BPIFA1: variants seen among roughly 807,000 people sequenced by gnomAD.
BPIFA1 encodes the protein BPI fold-containing family A member 1.
In BPIFA1, 24 loss-of-function variants were observed where a neutral mutation model predicts 25.1. The ratio of observed to expected loss-of-function variants is 0.96; its 90% CI spans 0.69 to 1.35. The LOEUF (loss-of-function observed/expected upper bound fraction) is 1.35. Among genes scored for constraint, BPIFA1 ranks in the 40% most tolerant of loss-of-function variants. The pLI is 0.00. For missense variants in BPIFA1, 344 were observed against 303.7 expected (o/e 1.13, Z -0.99); for synonymous variants, 139 against 131.8 (o/e 1.05, Z -0.37).
At chr20:33,239,707 C>G (rs1288129590) in intron 3 of BPIFA1, 96 bp from the exon 4 acceptor site, 15 of 1,236,318 alleles carry the variant, frequency 1.2e-5, no homozygotes, top group Non-Finnish European at 1.8e-5. Flanking sequence ...GTGGGAAGCT[C>G]TACCTCTGGG....
rs1212346322 is a variant in BPIFA1, at chr20:33,241,992, C to T, written c.667-64C>T. ...GACAGGAAATTTCCCCAGAGAACCC[C>T]CACTAGGGATTCTGCTGCTCCAGGG... On this transcript the variant is annotated intron_variant, in intron 6 of 8. Coordinates refer to ENST00000354297, the MANE Select transcript of BPIFA1 (RefSeq NM_130852.3). 3.5e-6 allele frequency: 5 copies of T among 1,446,768 alleles called. No individual in the cohort carries two copies. The Admixed American group carries it at 6.7e-5, about 20-fold the overall frequency. 89.6% of individuals were successfully genotyped at this position (1,446,768 alleles called of 1,614,324 possible).
At position 33,241,476 on chromosome 20, in the gene BPIFA1, A is replaced by G; in HGVS notation, c.666+7A>G. On this transcript the variant is annotated splice_region_variant and intron_variant, in intron 6 of 8. Coordinates refer to ENST00000354297, the MANE Select transcript of BPIFA1 (RefSeq NM_130852.3). ...TGAGTTGGTTCAGGGCAACGTAAGT[A>G]GGCAAGGTGGGGATCCCCTGATCCT... 1 of 1,608,312 alleles carries G rather than the reference A, an allele frequency of 6.2e-7. No individual in the cohort carries two copies. Among genetic ancestry groups the G allele is most frequent in the Admixed American group, 1.7e-5 (1 of 60,014 alleles).
chr20:33,240,645 T>TGACA (rs1978924796), intron 5 of BPIFA1, among the ~76,000 whole-genome samples: 1 of 142,840 alleles, frequency 7.0e-6, no homozygotes, highest in Non-Finnish European at 1.5e-5. Flanking sequence ...GATAGATAGA[T>TGACA]GATAGATAGA....
chr20:33,239,803 C>T lies in BPIFA1; in HGVS notation c.321C>T (p.Asp107=), dbSNP rs532895600. The change falls in exon 4 of 9, where the codon GAC becomes GAT. Residue 107 remains aspartate (D), a splice_region_variant and synonymous_variant. Transcript: ENST00000354297. ...CCCTCCAATATTACTCCCTGGACAG[C>T]ATAAAGGTCACTGACCCCCAGCTGC... ...SVIPGLNNII[D]IKVTDPQLLE... 121 of 1,613,644 alleles carry T rather than the reference C, an allele frequency of 7.5e-5. 3 individuals are homozygous for T. In the South Asian group the frequency reaches 1.3e-3, roughly 17 times the overall value.
Position 33,241,380 on chromosome 20 carries a change from T to G in BPIFA1, c.582-5T>G. ...CCTGCATCACCCATGACTTTTCTCT[T>G]TCAGACTTGGCCCCCTCCCCATTCA... On this transcript the variant is annotated splice_region_variant and splice_polypyrimidine_tract_variant and intron_variant, in intron 5 of 8. Coordinates refer to ENST00000354297, the MANE Select transcript of BPIFA1 (RefSeq NM_130852.3). The G allele has an allele frequency of 6.2e-7, 1 of 1,612,216 alleles. No individual in the cohort carries two copies. The highest frequency in any genetic ancestry group is 8.5e-7 in the Non-Finnish European group (1 of 1,178,234).
Position 33,242,529 on chromosome 20 carries a change from C to A in BPIFA1, c.*2C>A. 1 of 1,614,050 alleles carries A rather than the reference C, an allele frequency of 6.2e-7. No homozygotes were observed. Among genetic ancestry groups the A allele is most frequent in the Non-Finnish European group, 8.5e-7 (1 of 1,179,924 alleles). On this transcript the variant is annotated 3_prime_UTR_variant, in exon 8 of 9. Transcript: ENST00000354297. ...CTACAGTTTGTCATCAAGGTCTAAGCCTTCCAGGAAGGGGCTGGCCTCTGC... is the reference window on the plus strand; with the variant it reads ...CTACAGTTTGTCATCAAGGTCTAAGACTTCCAGGAAGGGGCTGGCCTCTGC...
At chr20:33,239,644 C>A (rs1167728139) in intron 3 of BPIFA1, among the ~76,000 whole-genome samples, 159 bp from the exon 4 acceptor site, 1 of 152,210 alleles carries the variant, frequency 6.6e-6, no homozygotes, top group Non-Finnish European at 1.5e-5. Flanking sequence ...GTGTGTGACT[C>A]AGAACCCACG....
At chr20:33,237,662 C>A in intron 1 of BPIFA1, 35 bp from the exon 2 acceptor site, 1 of 1,390,734 alleles carries the variant, frequency 7.2e-7, no homozygotes, top group Admixed American at 2.8e-5. Flanking sequence ...CTCTCTGATA[C>A]CCATGCCATG....
Position 33,236,903 on chromosome 20 carries a change from G to A in BPIFA1, c.-15-794G>A, listed in dbSNP as rs187800609. On this transcript the variant is annotated intron_variant, in intron 1 of 8. Coordinates refer to ENST00000354297, the MANE Select transcript of BPIFA1 (RefSeq NM_130852.3). ...ATGGCCCCAGGAATTCCCCAACAAA[G>A]GTCTACATGAGATGGTGGCTGTGGC... Among the ~76,000 whole-genome samples, 287 of 152,194 alleles carry A rather than the reference G, an allele frequency of 1.9e-3. 2 individuals carry two copies. The highest frequency in any genetic ancestry group is 2.5e-4 in the Non-Finnish European group (17 of 68,002).
chr20:33,240,491 A>C, intron 5 of BPIFA1, 106 bp downstream of exon 5: 2 of 1,406,290 alleles, frequency 1.4e-6, no homozygotes, highest in South Asian at 1.3e-5. Context: ...TGAGAGGCTG[A>C]AAGGGTGGGA....
chr20:33,239,856 A>C lies in BPIFA1; in HGVS notation c.374A>C (p.Asp125Ala). Reference sequence around the variant, plus strand: ...GAACTTGGCCTTGTGCAGAGCCCTGATGGCCACCGTCTCTATGTCACCATC... The same window carrying C: ...GAACTTGGCCTTGTGCAGAGCCCTGCTGGCCACCGTCTCTATGTCACCATC... ...LLELGLVQSPDGHRLYVTIPL... is the reference protein window; with the variant it reads ...LLELGLVQSPAGHRLYVTIPL... Residue 125 changes from aspartate (D) to alanine (A), a missense_variant, in exon 4 of 9, where the codon GAT becomes GCT. Coordinates refer to ENST00000354297, the MANE Select transcript of BPIFA1 (RefSeq NM_130852.3). 6.2e-7 allele frequency: 1 copy of C among 1,614,194 alleles called. No homozygotes were observed. The highest frequency in any genetic ancestry group is 8.5e-7 in the Non-Finnish European group (1 of 1,180,020).
chr20:33,242,104 G>A lies in BPIFA1; in HGVS notation c.715G>A (p.Val239Met), dbSNP rs769469084. The change falls in exon 7 of 9, where the codon GTG becomes ATG. Residue 239 changes from valine to methionine, a missense_variant. Physicochemically the swap from Val to Met is conservative, Grantham distance 21. Transcript: ENST00000354297. The part of the protein sequence containing the change: ...EVLRGLDITL[V>M]HDIVNMLIHG... ...TCTCAGAGGCTTGGACATCACCCTG[G>A]TGCATGACATTGTTAGTAAGTACCT... 9.3e-6 allele frequency: 15 copies of A among 1,613,958 alleles called. No homozygotes were observed. Among genetic ancestry groups the A allele is most frequent in the Non-Finnish European group, 1.1e-5 (13 of 1,179,998 alleles).
chr20:33,240,267 G>A lies in BPIFA1; in HGVS notation c.463G>A (p.Val155Met). The change falls in exon 5 of 9, where the codon GTG becomes ATG. Residue 155 changes from valine to methionine, a missense_variant. Val to Met is a conservative substitution (Grantham distance 21). Transcript: ENST00000354297. Reference sequence around the variant, plus strand: ...CGGTGCAAGTCTGTTGAGGCTGGCTGTGAAGCTGGACATCACTGCAGAAAT... The same window carrying A: ...CGGTGCAAGTCTGTTGAGGCTGGCTATGAAGCTGGACATCACTGCAGAAAT... The part of the protein sequence containing the change: ...LVGASLLRLA[V>M]KLDITAEILA... 6.2e-7 allele frequency: 1 copy of A among 1,614,206 alleles called. No homozygotes were observed. The highest frequency in any genetic ancestry group is 8.5e-7 in the Non-Finnish European group (1 of 1,180,018).
intron 3 of BPIFA1, among the ~76,000 whole-genome samples, chr20:33,238,578 C>T (rs1034230067): frequency 1.3e-5 from 2 of 152,236 alleles, no homozygotes; most frequent in Admixed American, 6.5e-5. Flanking sequence ...ACTCTACTAT[C>T]CTAACTCCAA....
In BPIFA1 at chr20:33,240,304, G is replaced by C. The variant is rs1305279841; in HGVS notation, c.500G>C (p.Arg167Thr). The change falls in exon 5 of 9, where the codon AGA becomes ACA. Residue 167 changes from arginine to threonine, a missense_variant. Transcript: ENST00000354297. ...LDITAEILAVRDKQERIHLVL... is the reference protein window; with the variant it reads ...LDITAEILAVTDKQERIHLVL... ...ATCACTGCAGAAATCTTAGCTGTGAGAGATAAGCAGGAGAGGATCCACCTG... is the reference window on the plus strand; with the variant it reads ...ATCACTGCAGAAATCTTAGCTGTGACAGATAAGCAGGAGAGGATCCACCTG... 3 of 1,614,192 alleles carry C rather than the reference G, an allele frequency of 1.9e-6. No individual in the cohort carries two copies. In the South Asian group the frequency reaches 3.3e-5, roughly 18 times the overall value.
intron 1 of BPIFA1, among the ~76,000 whole-genome samples, chr20:33,236,778 T>C (rs972748077): frequency 6.6e-6 from 1 of 152,182 alleles, no homozygotes; most frequent in Non-Finnish European, 1.5e-5. Flanking sequence ...TTGGGAGACC[T>C]GCCTTCAACC....
At chr20:33,241,320 C>A in intron 5 of BPIFA1, 65 bp from the exon 6 acceptor site, 1 of 1,452,828 alleles carries the variant, frequency 6.9e-7, no homozygotes, top group Non-Finnish European at 9.7e-7. Flanking sequence ...TCACAGTGGC[C>A]CCCTCTGGAG....
Position 33,239,847 on chromosome 20 carries a change from A to G in BPIFA1, c.365A>G (p.Gln122Arg). Residue 122 changes from glutamine (Q) to arginine (R), a missense_variant, in exon 4 of 9, where the codon CAG (glutamine) becomes CGG (arginine). By Grantham distance (43) the Gln-to-Arg change is conservative. Coordinates refer to ENST00000354297, the MANE Select transcript of BPIFA1 (RefSeq NM_130852.3). Reference sequence around the variant, plus strand: ...CAGCTGCTGGAACTTGGCCTTGTGCAGAGCCCTGATGGCCACCGTCTCTAT... The same window carrying G: ...CAGCTGCTGGAACTTGGCCTTGTGCGGAGCCCTGATGGCCACCGTCTCTAT... ...DPQLLELGLV[Q>R]SPDGHRLYVT... The G allele has an allele frequency of 6.2e-7, 1 of 1,614,228 alleles. No homozygotes were observed. The highest frequency in any genetic ancestry group is 8.5e-7 in the Non-Finnish European group (1 of 1,180,024).
chr20:33,242,621 A>T (rs1177842070), intron 8 of BPIFA1, 60 bp downstream of exon 8: 3 of 1,275,088 alleles, frequency 2.4e-6, no homozygotes, highest in Non-Finnish European at 3.4e-6. Context: ...TCCTGGTAGA[A>T]GGCAGACGGG....
Sources: allele counts gnomAD v4.1 joint callset (sites outside exome capture counted in the v4.1 genomes callset), GRCh38; gene constraint gnomAD v4.1.1; transcripts MANE v1.5; gene names NCBI Gene and HGNC (gene_info 2026-07-23, HGNC 2026-07-21).